Variants in SLC29A4 observed in about 807,000 individuals in gnomAD.
SLC29A4 encodes equilibrative nucleoside transporter 4.
A neutral mutation model predicts 43.9 loss-of-function variants in SLC29A4; 36 were observed. The observed-to-expected ratio is 0.82, with a 90% CI of 0.63 to 1.08. SLC29A4 has a LOEUF of 1.08. SLC29A4 is among the 50% of genes least tolerant of loss of function. SLC29A4 has a pLI of 0.00. For missense variants in SLC29A4, 869 were observed against 755.3 expected (o/e 1.15, Z -1.77); for synonymous variants, 491 against 338.0 (o/e 1.45, Z -4.97).
chr7:5,291,097 G>T (rs1785275865), intron 3 of SLC29A4, 27 bp from the exon 4 acceptor site: 1 of 1,609,164 alleles, frequency 6.2e-7, no homozygotes, highest in African/African-American at 1.3e-5. Context: ...GCCTCCCTGA[G>T]CACCTGCTGT....
chr7:5,286,536 A>AG (rs1353458102), intron 1 of SLC29A4, among the ~76,000 whole-genome samples: 3,931 of 143,314 alleles, frequency 0.027, 259 homozygotes, highest in African/African-American at 0.1. Context: ...AAAAAAAAAG[A>AG]AAAAAGAAAA....
At chr7:5,290,051 A>ATTT (rs1562443470) in intron 2 of SLC29A4, among the ~76,000 whole-genome samples, 5 of 69,056 alleles carry the variant, frequency 7.2e-5, no homozygotes, top group Admixed American at 1.6e-4. Context: ...ATGCCCAGCT[A>ATTT]ATTTTTTTTT....
intron 10 of SLC29A4, among the ~76,000 whole-genome samples, chr7:5,301,307 C>T (rs1420034508): frequency 2.0e-5 from 3 of 149,358 alleles, no homozygotes; most frequent in Non-Finnish European, 4.4e-5. Flanking sequence ...GGTTGAATGG[C>T]AGTAAGTCCT....
rs989009767 is a variant in SLC29A4 at position 5,283,091 on chromosome 7, T to C, written c.-9+9T>C. 1 of 146,830 alleles carries C rather than the reference T, an allele frequency of 6.8e-6. No individual in the cohort carries two copies. The highest frequency in any genetic ancestry group is 1.5e-5 in the Non-Finnish European group (1 of 66,160). 9.1% of individuals were successfully genotyped at this position (146,830 alleles called of 1,614,324 possible). ...GGCCGGGCCGGGCCGAGGTAAGCGG[T>C]GGCCGCGGGACGCGGGGAGACGCCG... On this transcript the variant is annotated intron_variant, in intron 1 of 10. Transcript: ENST00000396872.
chr7:5,297,382 C>T (rs760772602), intron 7 of SLC29A4, among the ~76,000 whole-genome samples, 184 bp downstream of exon 7: 1 of 152,258 alleles, frequency 6.6e-6, no homozygotes, highest in Non-Finnish European at 1.5e-5. Flanking sequence ...TGGCTTCTTA[C>T]TGGCACCCCA....
chr7:5,295,585 C>T (rs1785596219), intron 6 of SLC29A4, among the ~76,000 whole-genome samples: 2 of 152,244 alleles, frequency 1.3e-5, no homozygotes, highest in Non-Finnish European at 2.9e-5. Context: ...GCGTGGAAGC[C>T]CCTCCCTCTC....
intron 9 of SLC29A4, 94 bp downstream of exon 9, chr7:5,299,521 G>A (rs1583678311): frequency 6.1e-6 from 8 of 1,317,340 alleles, no homozygotes; most frequent in African/African-American, 4.4e-5. Flanking sequence ...CTGAGTGAAG[G>A]ATGCATGTGG....
chr7:5,293,000 C>A (rs1404267164), intron 5 of SLC29A4, among the ~76,000 whole-genome samples: 1 of 150,688 alleles, frequency 6.6e-6, no homozygotes, highest in African/African-American at 2.4e-5. Context: ...CACCCCGCCC[C>A]GATAATGTTC....
intron 1 of SLC29A4, among the ~76,000 whole-genome samples, chr7:5,285,359 G>C (rs558565317): frequency 1.4e-5 from 2 of 145,904 alleles, no homozygotes; most frequent in Non-Finnish European, 1.5e-5. Flanking sequence ...GGGGAGACAC[G>C]CTGGGCTTCT....
At chr7:5,295,579 G>A (rs965301827) in intron 6 of SLC29A4, among the ~76,000 whole-genome samples, 5 of 152,260 alleles carry the variant, frequency 3.3e-5, no homozygotes, top group African/African-American at 1.2e-4. Flanking sequence ...CTGTGTGCGT[G>A]GAAGCCCCTC....
chr7:5,287,830 G>T lies in SLC29A4; in HGVS notation c.14G>T (p.Gly5Val). The T allele has an allele frequency of 6.2e-7, 1 of 1,611,386 alleles. No individual in the cohort carries two copies. Among genetic ancestry groups the T allele is most frequent in the Middle Eastern group, 2.0e-4 (1 of 4,920 alleles). ...GCAGAGGCTGCCATGGGCTCCGTGG[G>T]GAGCCAGCGCCTTGAGGAGCCCAGC... Reference protein sequence around the residue: MGSVGSQRLEEPSVA... With the variant: MGSVVSQRLEEPSVA... The change falls in exon 2 of 11, where the codon GGG becomes GTG. Residue 5 changes from glycine to valine, a missense_variant. Physicochemically the swap from Gly to Val is moderately radical, Grantham distance 109. Transcript: ENST00000396872.
intron 2 of SLC29A4, among the ~76,000 whole-genome samples, chr7:5,288,298 CTTTTTTTT>C (rs34436127): frequency 1.5e-5 from 1 of 68,756 alleles, no homozygotes; most frequent in African/African-American, 5.9e-5. Context: ...CGTACAGCTT[CTTTTTTTT>C]TTTTTTTTTT....
chr7:5,300,941 C>A (rs1786118845), intron 10 of SLC29A4, among the ~76,000 whole-genome samples: 1 of 152,178 alleles, frequency 6.6e-6, no homozygotes, highest in Admixed American at 6.6e-5. Flanking sequence ...GCTCCCCGTG[C>A]TGTGGGACTG....
In SLC29A4 at chr7:5,283,094, CCGCGGGA is replaced by C. The variant is rs1179540349; in HGVS notation, c.-9+19_-9+25del. 1 of 148,734 alleles carries C rather than the reference CCGCGGGA, an allele frequency of 6.7e-6. No individual in the cohort carries two copies. Among genetic ancestry groups the C allele is most frequent in the Non-Finnish European group, 1.5e-5 (1 of 66,576 alleles). The allele number at this position is 148,734 out of a possible 1,614,324, so 9.2% of individuals were successfully genotyped here. On this transcript the variant is annotated intron_variant, in intron 1 of 10. Coordinates refer to ENST00000396872, the MANE Select transcript of SLC29A4 (RefSeq NM_153247.4). Reference sequence around the variant, plus strand: ...CGGGCCGGGCCGAGGTAAGCGGTGGCCGCGGGACGCGGGGAGACGCCGGCGGGGACCT... The same window carrying C: ...CGGGCCGGGCCGAGGTAAGCGGTGGCCGCGGGGAGACGCCGGCGGGGACCT...
chr7:5,304,518 T>C lies in SLC29A4; in HGVS notation c.*1579T>C, dbSNP rs2128094051. The stretch of plus-strand genomic sequence containing the variant: ...GTGCCTCATTTCTTTCTTTTTTTAT[T>C]TTTTTTTTGAGACTGAGTCTTGCTC... On this transcript the variant is annotated 3_prime_UTR_variant, in exon 11 of 11. Transcript: ENST00000396872. 1 of 151,678 alleles carries C rather than the reference T, an allele frequency of 6.6e-6. No individual in the cohort carries two copies. Among genetic ancestry groups the C allele is most frequent in the African/African-American group, 2.4e-5 (1 of 41,404 alleles). The allele number at this position is 151,678 out of a possible 1,614,324, so 9.4% of individuals were successfully genotyped here. A position where few individuals can be genotyped will look rare whatever the true frequency, so the allele number is the denominator to read the frequency against.
intron 4 of SLC29A4, 97 bp downstream of exon 4, chr7:5,291,334 C>T (rs573636652): frequency 6.7e-6 from 8 of 1,195,354 alleles, no homozygotes; most frequent in Admixed American, 2.0e-5. Flanking sequence ...TCACTCCCCT[C>T]GTCTGTAAAA....
At chr7:5,288,297 T>G (rs1409506854) in intron 2 of SLC29A4, among the ~76,000 whole-genome samples, 1 of 130,332 alleles carries the variant, frequency 7.7e-6, no homozygotes, top group East Asian at 2.0e-4. Context: ...CCGTACAGCT[T>G]CTTTTTTTTT....
chr7:5,294,965 G>A lies in SLC29A4; in HGVS notation c.619+31G>A, dbSNP rs757071096. 13 of 1,581,458 alleles carry A rather than the reference G, an allele frequency of 8.2e-6. No individual in the cohort carries two copies. In the East Asian group the frequency reaches 2.3e-4, roughly 28 times the overall value. ...TATCTGCAGACCCCCCGGGGAGGGG[G>A]TGCTGGGCTGCCCTGGGCTCTGGAA... On this transcript the variant is annotated intron_variant, in intron 6 of 10. Transcript: ENST00000396872.
rs951915368 is a variant in SLC29A4, at chr7:5,297,997, C to T, written c.882+799C>T. Among the ~76,000 whole-genome samples the T allele has an allele frequency of 3.3e-5, 5 of 152,294 alleles. 1 individual carries two copies. The highest frequency in any genetic ancestry group is 1.2e-4 in the African/African-American group (5 of 41,552). ...CAGCAGCACTGCACAGCCCCCCAGG[C>T]TCAGGGCCGGCAGCTGTACAGGCTT... On this transcript the variant is annotated intron_variant, in intron 7 of 10. Coordinates refer to ENST00000396872, the MANE Select transcript of SLC29A4 (RefSeq NM_153247.4).
Sources: allele counts gnomAD v4.1 joint callset (sites outside exome capture counted in the v4.1 genomes callset), GRCh38; gene constraint gnomAD v4.1.1; transcripts MANE v1.5; gene names NCBI Gene and HGNC (gene_info 2026-07-23, HGNC 2026-07-21).